The following MAGI2 variants were observed in gnomAD, a reference collection of about 807,000 sequenced individuals.
The protein encoded by MAGI2 is membrane associated guanylate kinase, WW and PDZ domain containing 2, also known as membrane-associated guanylate kinase, WW and PDZ domain-containing protein 2.
A neutral mutation model predicts 133.3 loss-of-function variants in MAGI2; 35 were observed. The ratio of observed to expected loss-of-function variants is 0.26; its 90% CI spans 0.20 to 0.35. The LOEUF (loss-of-function observed/expected upper bound fraction) is 0.35. Ranked by LOEUF, MAGI2 falls within the 10% of genes least tolerant of loss-of-function variation. The probability of loss-of-function intolerance (pLI) is 1.00; values close to 1 mark genes in which losing one functional copy is unlikely to be tolerated. For synonymous variants in MAGI2, 729 were observed against 710.6 expected, an observed-to-expected ratio of 1.03 and a Z score of -0.41; for missense variants, 1,636 against 1,863.4, an observed-to-expected ratio of 0.88 and a Z score of 2.25.
At chr7:78,882,109 G>GAAAAA (rs1795915418) in intron 2 of MAGI2, among the ~76,000 whole-genome samples, 1 of 50,846 alleles carries the variant, frequency 2.0e-5, no homozygotes, top group Non-Finnish European at 3.6e-5. Flanking sequence ...AAAAAAAAAA[G>GAAAAA]AAAAGAAAAA....
chr7:78,472,993 T>G (rs1256474288), intron 6 of MAGI2, among the ~76,000 whole-genome samples: 1 of 152,100 alleles, frequency 6.6e-6, no homozygotes, highest in Non-Finnish European at 1.5e-5. Context: ...CTATCAGCAA[T>G]TAGTTTGGGG....
chr7:78,166,508 T>C (rs1395464745), intron 15 of MAGI2, among the ~76,000 whole-genome samples: 2 of 152,220 alleles, frequency 1.3e-5, no homozygotes, highest in Non-Finnish European at 2.9e-5. Context: ...TGAAGACAAA[T>C]GGCACCTCTT....
intron 6 of MAGI2, among the ~76,000 whole-genome samples, chr7:78,402,334 A>G (rs13308064): frequency 1.1e-4 from 4 of 36,018 alleles, no homozygotes; most frequent in Non-Finnish European, 1.9e-4. Flanking sequence ...TAGGGTGTGT[A>G]TGTGTGTGTG....
intron 1 of MAGI2, among the ~76,000 whole-genome samples, chr7:79,451,330 T>C (rs975367721): frequency 1.3e-5 from 2 of 152,232 alleles, no homozygotes; most frequent in Admixed American, 6.5e-5. Context: ...AGTTGTGTAG[T>C]AGACTTTTCG....
At position 78,124,450 on chromosome 7, in the gene MAGI2, G is replaced by A. The variant is rs78494219; in HGVS notation, c.3567+1244C>T. ...TAGTGGGGAGAAACAAAGACATGATGTGCATGCCTTCTGCTTTTGGACTGT... is the reference window on the plus strand; with the variant it reads ...TAGTGGGGAGAAACAAAGACATGATATGCATGCCTTCTGCTTTTGGACTGT... On this transcript the variant is annotated intron_variant, in intron 20 of 21. Transcript: ENST00000354212. Among the ~76,000 whole-genome samples the A allele has an allele frequency of 9.1e-3, 1,385 of 152,286 alleles. 24 individuals are homozygous for A. Among genetic ancestry groups the A allele is most frequent in the African/African-American group, 0.032 (1,337 of 41,548 alleles).
At chr7:78,700,526 G>GT (rs1286960672) in intron 2 of MAGI2, among the ~76,000 whole-genome samples, 1 of 152,004 alleles carries the variant, frequency 6.6e-6, no homozygotes. Context: ...ATCTTTTAAG[G>GT]TTTTAGTAAA....
chr7:78,612,463 A>G (rs954511932), intron 3 of MAGI2, among the ~76,000 whole-genome samples: 2 of 152,170 alleles, frequency 1.3e-5, no homozygotes, highest in Admixed American at 1.3e-4. Context: ...AAAATTTTAA[A>G]TTAAAAAATA....
At chr7:78,805,577 C>A (rs962297444) in intron 2 of MAGI2, among the ~76,000 whole-genome samples, 34 of 152,152 alleles carry the variant, frequency 2.2e-4, no homozygotes, top group African/African-American at 8.0e-4. Context: ...CCCCAATGAT[C>A]CCTACCTGCT....
intron 2 of MAGI2, among the ~76,000 whole-genome samples, chr7:78,962,411 T>C (rs1802921045): frequency 6.6e-6 from 1 of 152,056 alleles, no homozygotes; most frequent in African/African-American, 2.4e-5. Context: ...TACTTAAATA[T>C]AGTTGAAAGG....
At chr7:78,078,048 T>G (rs2003487) in intron 21 of MAGI2, 5,154 of 151,810 alleles carry the variant, frequency 0.034, 109 homozygotes, top group East Asian at 0.067. Context: ...TTTTTTTTTT[T>G]GGGTAGGTGA....
chr7:78,165,355 A>G (rs953269968), intron 15 of MAGI2, among the ~76,000 whole-genome samples: 1 of 152,142 alleles, frequency 6.6e-6, no homozygotes, highest in East Asian at 1.9e-4. Context: ...TATCCTTAGC[A>G]TGTACATTTA....
chr7:79,023,198 G>A (rs767666659), intron 1 of MAGI2, among the ~76,000 whole-genome samples: 1 of 152,068 alleles, frequency 6.6e-6, no homozygotes, highest in Non-Finnish European at 1.5e-5. Context: ...ATCAATAAGT[G>A]TGATTCATCA....
intron 6 of MAGI2, among the ~76,000 whole-genome samples, chr7:78,418,726 T>C (rs559949044): frequency 6.6e-6 from 1 of 152,248 alleles, no homozygotes; most frequent in East Asian, 1.9e-4. Context: ...GATGGCAAAG[T>C]CAGTTTCAGT....
At chr7:78,082,748 G>A (rs1053120493) in intron 20 of MAGI2, among the ~76,000 whole-genome samples, 13 of 152,170 alleles carry the variant, frequency 8.5e-5, no homozygotes, top group East Asian at 1.9e-4. Context: ...GACTCTGACC[G>A]TTGCAAAGCA....
intron 1 of MAGI2, among the ~76,000 whole-genome samples, chr7:79,087,144 T>G (rs1816585145): frequency 1.3e-5 from 2 of 151,926 alleles, no homozygotes; most frequent in African/African-American, 4.8e-5. Context: ...CCAAGGAATT[T>G]GCAATTTCAG....
intron 1 of MAGI2, among the ~76,000 whole-genome samples, chr7:79,159,641 T>C (rs1267044769): frequency 6.6e-6 from 1 of 151,976 alleles, no homozygotes; most frequent in African/African-American, 2.4e-5. Context: ...TTATTACAAA[T>C]ATTAACTTAT....
intron 1 of MAGI2, among the ~76,000 whole-genome samples, chr7:79,338,758 G>C (rs544157397): frequency 1.3e-5 from 2 of 152,252 alleles, no homozygotes; most frequent in African/African-American, 4.8e-5. Flanking sequence ...TGAGATGAAA[G>C]AGCCAGAAGT....
intron 1 of MAGI2, among the ~76,000 whole-genome samples, chr7:79,177,457 T>C (rs1826201726): frequency 6.6e-6 from 1 of 152,194 alleles, no homozygotes; most frequent in Non-Finnish European, 1.5e-5. Flanking sequence ...AGCTACAAGT[T>C]CTATTTTCAC....
At chr7:78,799,685 A>G (rs1787904504) in intron 2 of MAGI2, among the ~76,000 whole-genome samples, 1 of 152,038 alleles carries the variant, frequency 6.6e-6, no homozygotes, top group Non-Finnish European at 1.5e-5. Context: ...TCTTCCTTCA[A>G]ATTCAGTTTT....
Sources: allele counts gnomAD v4.1 joint callset (sites outside exome capture counted in the v4.1 genomes callset), GRCh38; gene constraint gnomAD v4.1.1; transcripts MANE v1.5; gene names NCBI Gene and HGNC (gene_info 2026-07-23, HGNC 2026-07-21).